ITGA3: variants seen among roughly 807,000 people sequenced by gnomAD.
ITGA3 encodes the protein integrin alpha-3.
ITGA3 carries 70 observed loss-of-function variants against 131.1 expected under a neutral mutation model. The observed-to-expected ratio is 0.53, with a 90% CI of 0.44 to 0.65. The LOEUF is 0.65. Ranked by LOEUF, ITGA3 falls within the 30% of genes least tolerant of loss-of-function variation. ITGA3 has a pLI of 0.00. For missense variants in ITGA3, 1,098 were observed against 1,388.6 expected (o/e 0.79, Z 3.33); for synonymous variants, 537 against 571.6 (o/e 0.94, Z 0.86).
rs143785911 is a variant in ITGA3 at position 50,076,588 on chromosome 17, A to C, written c.1829A>C (p.Gln610Pro). The C allele has an allele frequency of 1.9e-4, 299 of 1,613,188 alleles. No homozygotes were observed. The African/African-American group carries it at 3.4e-3, about 18-fold the overall frequency. The change falls in exon 14 of 26, where the codon CAG becomes CCG. Residue 610 changes from glutamine to proline, a missense_variant. Physicochemically the swap from Gln to Pro is moderately conservative, Grantham distance 76. Around this residue, in one of 3 missense-constraint regions of ITGA3, gnomAD observed 699 missense variants for 829.2 expected, o/e 0.84. Transcript: ENST00000320031. Reference sequence around the variant, plus strand: ...ACACCTCCGGCCACCCCCCAGGTCCAGTTCCAGAAGGAGTGCGGGCCTGAC... The same window carrying C: ...ACACCTCCGGCCACCCCCCAGGTCCCGTTCCAGAAGGAGTGCGGGCCTGAC... Reference protein sequence around the residue: ...AQALENHTEVQFQKECGPDNK... With the variant: ...AQALENHTEVPFQKECGPDNK...
intron 1 of ITGA3, among the ~76,000 whole-genome samples, chr17:50,061,062 C>T (rs1357410888): frequency 6.6e-6 from 1 of 152,134 alleles, no homozygotes; most frequent in Non-Finnish European, 1.5e-5. Context: ...CCATTGGATC[C>T]TGGGCTGGGA....
rs1909669056 is a variant in ITGA3 at position 50,090,459 on chromosome 17, C to T, written c.*1381C>T. ...TTGTATATAGGCTTCTCACGGCGAC[C>T]AATAAACAGCTCCCAGTTTGTATGC... On this transcript the variant is annotated 3_prime_UTR_variant, in exon 26 of 26. Coordinates refer to ENST00000320031, the MANE Select transcript of ITGA3 (RefSeq NM_002204.4). The T allele has an allele frequency of 1.6e-5, 4 of 242,688 alleles. No individual in the cohort carries two copies. In the Admixed American group the frequency reaches 1.9e-4, roughly 11 times the overall value. 15.0% of individuals were successfully genotyped at this position (242,688 alleles called of 1,614,324 possible). A position where few individuals can be genotyped will look rare whatever the true frequency, so the allele number is the denominator to read the frequency against.
In ITGA3 at chr17:50,076,341, A is replaced by G; in HGVS notation, c.1690A>G (p.Lys564Glu). ...CTCTCCCCAGGACAACCTCCGTGAC[A>G]AACTCCGCCCCATCATCATCTCCAT... ...ELLLMDNLRD[K>E]LRPIIISMNY... The change falls in exon 13 of 26, where the codon AAA (lysine) becomes GAA (glutamate). Residue 564 changes from lysine to glutamate, a missense_variant. This residue lies in a region of ITGA3 where 699 missense variants were observed against 829.2 expected (regional missense o/e 0.84). Coordinates refer to ENST00000320031, the MANE Select transcript of ITGA3 (RefSeq NM_002204.4). 1.9e-6 allele frequency: 3 copies of G among 1,613,690 alleles called. No homozygotes were observed. The highest frequency in any genetic ancestry group is 2.5e-6 in the Non-Finnish European group (3 of 1,179,924).
chr17:50,084,230 C>CAAAAAAAAAAAAAAAA (rs61103198), intron 23 of ITGA3, among the ~76,000 whole-genome samples: 1 of 26,982 alleles, frequency 3.7e-5, no homozygotes, highest in Non-Finnish European at 7.8e-5. Flanking sequence ...GACTCTGTCT[C>CAAAAAAAAAAAAAAAA]AAAAAAAAAA....
rs1377368886 is a variant in ITGA3 at position 50,072,194 on chromosome 17, C to T, written c.1156+12C>T. 2 of 1,606,396 alleles carry T rather than the reference C, an allele frequency of 1.2e-6. No homozygotes were observed. Among genetic ancestry groups the T allele is most frequent in the Non-Finnish European group, 8.5e-7 (1 of 1,175,548 alleles). On this transcript the variant is annotated intron_variant, in intron 7 of 25. Transcript: ENST00000320031. ...GGATGGATTTCAGGGTATGAGCCAGCACTCCTCCCCCAGCACCCCTCCTCC... is the reference window on the plus strand; with the variant it reads ...GGATGGATTTCAGGGTATGAGCCAGTACTCCTCCCCCAGCACCCCTCCTCC...
Position 50,056,471 on chromosome 17 carries a change from C to G in ITGA3, c.32C>G (p.Ala11Gly). Residue 11 changes from alanine (A) to glycine (G), a missense_variant, in exon 1 of 26, where the codon GCC (alanine) becomes GGC (glycine). Around this residue, in one of 3 missense-constraint regions of ITGA3, gnomAD observed 43 missense variants for 30.3 expected, o/e 1.42. Transcript: ENST00000320031. This position sits in a 1 kb window ranked among gnomAD's most constrained non-coding sequence, Gnocchi z 5.6. ...CCCGGCCCCAGCCGCGCGCCCCGCG[C>G]CCCACGCCTGATGCTCTGTGCGCTC... Reference protein sequence around the residue: MGPGPSRAPRAPRLMLCALAL... With the variant: MGPGPSRAPRGPRLMLCALAL... The G allele has an allele frequency of 6.5e-7, 1 of 1,547,044 alleles. No homozygotes were observed. The highest frequency in any genetic ancestry group is 1.2e-5 in the South Asian group (1 of 83,756).
intron 1 of ITGA3, among the ~76,000 whole-genome samples, chr17:50,058,589 AGC>A (rs1469382013): frequency 1.3e-5 from 2 of 152,318 alleles, no homozygotes; most frequent in African/African-American, 4.8e-5. Flanking sequence ...GCCTGCCAAG[AGC>A]CCAGAAGGTT....
chr17:50,060,542 C>T (rs1908028027), intron 1 of ITGA3, among the ~76,000 whole-genome samples: 1 of 152,286 alleles, frequency 6.6e-6, no homozygotes, highest in East Asian at 1.9e-4. Context: ...GAACTTGGAG[C>T]TCAAGGGGCT....
At chr17:50,066,124 A>G (rs1011119575) in intron 3 of ITGA3, 1 of 150,882 alleles carries the variant, frequency 6.6e-6, no homozygotes, top group African/African-American at 2.4e-5. Context: ...GACTTCCCAG[A>G]CTCAAGCGAC....
Position 50,075,390 on chromosome 17 carries a change from G to A in ITGA3, c.1470-69G>A. The A allele has an allele frequency of 2.0e-6, 3 of 1,523,162 alleles. No individual in the cohort carries two copies. In the South Asian group the frequency reaches 3.4e-5, roughly 17 times the overall value. 94.4% of individuals were successfully genotyped at this position (1,523,162 alleles called of 1,614,324 possible). The stretch of plus-strand genomic sequence containing the variant: ...CCTCGGTTTCCTTTTGCCCAGTACA[G>A]AGGCGAGAGCTAGGGCCTGGACGTG... On this transcript the variant is annotated intron_variant, in intron 10 of 25. Transcript: ENST00000320031.
At chr17:50,078,357 C>A in intron 18 of ITGA3, 73 bp downstream of exon 18, 2 of 1,241,336 alleles carry the variant, frequency 1.6e-6, no homozygotes, top group South Asian at 2.6e-5. Flanking sequence ...CCCAAGCTAT[C>A]TCCCAAACTC....
At chr17:50,057,005 A>G (rs1179974626) in intron 1 of ITGA3, among the ~76,000 whole-genome samples, 1 of 152,046 alleles carries the variant, frequency 6.6e-6, no homozygotes, top group Non-Finnish European at 1.5e-5. Flanking sequence ...CAAGATAAAC[A>G]CCCAGCGGAC....
At position 50,083,256 on chromosome 17, in the gene ITGA3, C is replaced by T. The variant is rs188838479; in HGVS notation, c.2919+1848C>T. 2.5e-3 allele frequency among the ~76,000 whole-genome samples: 377 copies of T among 152,242 alleles called. 6 individuals are homozygous for T. Among genetic ancestry groups the T allele is most frequent in the African/African-American group, 8.9e-3 (369 of 41,542 alleles). On this transcript the variant is annotated intron_variant, in intron 23 of 25. Transcript: ENST00000320031. The stretch of plus-strand genomic sequence containing the variant: ...ATAAACAAAAATACAGTTAGATTAA[C>T]TATCTACATGTAGCAATTAAAACCT...
In ITGA3 at chr17:50,070,895, A is replaced by C; in HGVS notation, c.716A>C (p.Tyr239Ser). The C allele has an allele frequency of 1.2e-6, 2 of 1,612,308 alleles. No individual in the cohort carries two copies. Among genetic ancestry groups the C allele is most frequent in the Non-Finnish European group, 1.7e-6 (2 of 1,178,468 alleles). ...GAGTGGGACTTATCTGAGTATAGTT[A>C]CAAGGACCCAGAGGACCAAGGAAAC... ...RKEWDLSEYS[Y>S]KDPEDQGNLY... Residue 239 changes from tyrosine (Y) to serine (S), a missense_variant, in exon 5 of 26, where the codon TAC becomes TCC. Coordinates refer to ENST00000320031, the MANE Select transcript of ITGA3 (RefSeq NM_002204.4).
rs766391108 is a variant in ITGA3 at position 50,079,271 on chromosome 17, T to A, written c.2583+13T>A. 6.2e-7 allele frequency: 1 copy of A among 1,612,534 alleles called. No homozygotes were observed. Among genetic ancestry groups the A allele is most frequent in the South Asian group, 1.1e-5 (1 of 91,050 alleles). On this transcript the variant is annotated intron_variant, in intron 20 of 25. Transcript: ENST00000320031. The stretch of plus-strand genomic sequence containing the variant: ...CCTCACTCTTTCTGTAAGGACACTA[T>A]CAGGGATATTTCATTTGCATGCTAC...
In ITGA3 at chr17:50,076,394, CG is replaced by C; in HGVS notation, c.1744del (p.Asp582IlefsTer58). The C allele has an allele frequency of 6.2e-7, 1 of 1,613,012 alleles. No homozygotes were observed. The highest frequency in any genetic ancestry group is 1.1e-5 in the South Asian group (1 of 91,076). ...ACTACTCTTTACCTTTGCGGATGCC[CG>C]ATCGCCCCCGGCTGGGGCTGCGGTC... ...MNYSLPLRMP[D>X]RPRLGLRSLD... is the part of the protein sequence containing the mutation. On this transcript the variant is annotated frameshift_variant, in exon 13 of 26. Coordinates refer to ENST00000320031, the MANE Select transcript of ITGA3 (RefSeq NM_002204.4). LOFTEE classifies it high-confidence loss of function.
rs770163150 is a variant in ITGA3, at chr17:50,074,475, C to T, written c.1410C>T (p.His470=). ...LRARPVINIV[H]KTLVPRPAVL... is the part of the protein sequence containing the mutation. Reference sequence around the variant, plus strand: ...CCCGGCCCGTCATCAACATCGTCCACAAGACCTTGGTGCCCAGGCCAGCTG... The same window carrying T: ...CCCGGCCCGTCATCAACATCGTCCATAAGACCTTGGTGCCCAGGCCAGCTG... Residue 470 remains histidine (H), a synonymous_variant, in exon 10 of 26, where the codon CAC becomes CAT. Transcript: ENST00000320031. The T allele has an allele frequency of 1.9e-6, 3 of 1,614,150 alleles. No individual in the cohort carries two copies. The highest frequency in any genetic ancestry group is 1.7e-5 in the Admixed American group (1 of 60,034).
intron 1 of ITGA3, among the ~76,000 whole-genome samples, chr17:50,061,384 G>C (rs1276604276): frequency 6.6e-6 from 1 of 151,940 alleles, no homozygotes; most frequent in Non-Finnish European, 1.5e-5. Context: ...CTGAGTTGAG[G>C]GGGCTGGGAG....
At chr17:50,079,000 G>C (rs1453482688) in intron 19 of ITGA3, 74 bp downstream of exon 19, 12 of 1,521,216 alleles carry the variant, frequency 7.9e-6, no homozygotes, top group Non-Finnish European at 1.1e-5. Context: ...GGGTCTGAAG[G>C]TGGGAGGGTT....
Sources: allele counts gnomAD v4.1 joint callset (sites outside exome capture counted in the v4.1 genomes callset), GRCh38; gene constraint gnomAD v4.1.1; regional missense constraint gnomAD v4.1.1; non-coding constraint Gnocchi (gnomAD v3.1); transcripts MANE v1.5; gene names NCBI Gene and HGNC (gene_info 2026-07-23, HGNC 2026-07-21).